Variants in SGCZ observed in about 807,000 individuals in gnomAD.
SGCZ encodes the protein zeta-sarcoglycan.
Under a neutral mutation model 41.3 loss-of-function variants are expected in SGCZ, and 40 were observed. The ratio of observed to expected loss-of-function variants is 0.97; its 90% CI spans 0.75 to 1.26. The LOEUF (loss-of-function observed/expected upper bound fraction) is 1.26, where lower values mean the gene tolerates loss of function less well. SGCZ is among the 50% of genes most tolerant of loss of function. The pLI, the probability that SGCZ is intolerant of heterozygous loss-of-function variation, is 0.00. For missense variants in SGCZ, 552 were observed against 369.8 expected (o/e 1.49, Z -4.04); for synonymous variants, 206 against 137.5 (o/e 1.50, Z -3.49).
intron 2 of SGCZ, among the ~76,000 whole-genome samples, chr8:14,461,665 A>C (rs1030152882): frequency 1.3e-5 from 2 of 152,134 alleles, no homozygotes; most frequent in Admixed American, 1.3e-4. Flanking sequence ...AAACTCTTCT[A>C]CAAACCATGC....
intron 1 of SGCZ, among the ~76,000 whole-genome samples, chr8:14,780,686 T>TA (rs900879744): frequency 2.0e-5 from 3 of 152,168 alleles, no homozygotes; most frequent in South Asian, 2.1e-4. Flanking sequence ...TTTAAGCTAT[T>TA]AAAAAAAATT....
At chr8:14,920,136 G>A (rs1563363735) in intron 1 of SGCZ, among the ~76,000 whole-genome samples, 1 of 152,054 alleles carries the variant, frequency 6.6e-6, no homozygotes, top group Non-Finnish European at 1.5e-5. Flanking sequence ...TTTACAAGTT[G>A]AACAAATGAA....
At chr8:14,130,777 G>C (rs897443135) in intron 5 of SGCZ, among the ~76,000 whole-genome samples, 12 of 152,188 alleles carry the variant, frequency 7.9e-5, no homozygotes, top group African/African-American at 2.9e-4. Flanking sequence ...TAGAAAAAGG[G>C]ACCGTACCTG....
chr8:14,428,076 G>T (rs185485613), intron 2 of SGCZ, among the ~76,000 whole-genome samples: 124 of 150,596 alleles, frequency 8.2e-4, no homozygotes, highest in African/African-American at 2.9e-3. Context: ...ATCAAACCCC[G>T]CAGATACTGA....
intron 1 of SGCZ, among the ~76,000 whole-genome samples, chr8:14,745,681 A>G (rs994698446): frequency 4.6e-5 from 7 of 152,084 alleles, no homozygotes; most frequent in African/African-American, 1.4e-4. Flanking sequence ...ACGTATCTAT[A>G]TACATACATG....
At chr8:14,952,218 G>A (rs1488437026) in intron 1 of SGCZ, among the ~76,000 whole-genome samples, 2 of 151,886 alleles carry the variant, frequency 1.3e-5, no homozygotes, top group African/African-American at 4.8e-5. Context: ...GTTTTGTTAT[G>A]TCACCAAGAA....
chr8:14,255,309 A>T (rs1412225108), intron 3 of SGCZ, among the ~76,000 whole-genome samples: 1 of 152,152 alleles, frequency 6.6e-6, no homozygotes, highest in East Asian at 1.9e-4. Context: ...TCCTCCTATG[A>T]TCTTGTCACA....
chr8:14,402,070 G>C (rs1799092932), intron 2 of SGCZ, among the ~76,000 whole-genome samples: 1 of 152,086 alleles, frequency 6.6e-6, no homozygotes, highest in Admixed American at 6.5e-5. Flanking sequence ...GTGTTTTTAG[G>C]CTGCATAAAT....
chr8:14,240,327 C>CAAAAAAAAAAAAAAAAA (rs59351247), intron 3 of SGCZ, among the ~76,000 whole-genome samples: 13 of 115,238 alleles, frequency 1.1e-4, no homozygotes, highest in South Asian at 2.8e-4. Context: ...AACTCTGTGT[C>CAAAAAAAAAAAAAAAAA]AAAAAAAAAA....
At position 14,501,442 on chromosome 8, in the gene SGCZ, CTTTA is replaced by C. The variant is rs562470124; in HGVS notation, c.234+53286_234+53289del. Among the ~76,000 whole-genome samples the C allele has an allele frequency of 4.7e-3, 707 of 152,012 alleles. 4 individuals are homozygous for C. The highest frequency in any genetic ancestry group is 0.016 in the African/African-American group (651 of 41,474). On this transcript the variant is annotated intron_variant, in intron 2 of 7. Coordinates refer to ENST00000382080, the MANE Select transcript of SGCZ (RefSeq NM_139167.4). ...AAATAATTTAAAATTTTAATACATA[CTTTA>C]TTTATGCCTACAAATTAAATATTGA...
intron 3 of SGCZ, among the ~76,000 whole-genome samples, chr8:14,304,080 C>A (rs192201776): frequency 2.0e-5 from 3 of 151,908 alleles, no homozygotes; most frequent in African/African-American, 7.2e-5. Flanking sequence ...AATGGCTTTA[C>A]ATTTGTGAAA....
chr8:14,976,527 T>G (rs1001567298), intron 1 of SGCZ, among the ~76,000 whole-genome samples: 1 of 152,198 alleles, frequency 6.6e-6, no homozygotes, highest in Admixed American at 6.5e-5. Context: ...ATAAATACAT[T>G]TAAGATATCT....
chr8:15,020,450 C>T (rs1803207928), intron 1 of SGCZ, among the ~76,000 whole-genome samples: 1 of 152,034 alleles, frequency 6.6e-6, no homozygotes. Flanking sequence ...AGGCTGGGGA[C>T]ATGGGTGCAT....
chr8:14,180,122 C>T (rs1804673428), intron 4 of SGCZ, among the ~76,000 whole-genome samples: 1 of 152,148 alleles, frequency 6.6e-6, no homozygotes, highest in South Asian at 2.1e-4. Context: ...AGTCTTAGAG[C>T]AACGACTACT....
At chr8:14,224,227 G>T (rs1034292668) in intron 4 of SGCZ, among the ~76,000 whole-genome samples, 7 of 152,130 alleles carry the variant, frequency 4.6e-5, no homozygotes, top group Admixed American at 2.0e-4. Context: ...TGCTGACAAA[G>T]GATACAATTA....
chr8:14,201,712 T>C (rs1334442074), intron 4 of SGCZ, among the ~76,000 whole-genome samples: 4 of 152,176 alleles, frequency 2.6e-5, no homozygotes, highest in Non-Finnish European at 5.9e-5. Flanking sequence ...TATTTGACTA[T>C]ATGCACCTGT....
At chr8:14,215,249 C>T (rs1272593993) in intron 4 of SGCZ, among the ~76,000 whole-genome samples, 1 of 152,050 alleles carries the variant, frequency 6.6e-6, no homozygotes, top group Non-Finnish European at 1.5e-5. Context: ...CTAAATAATA[C>T]ATTTCTAAAC....
intron 2 of SGCZ, among the ~76,000 whole-genome samples, chr8:14,510,964 A>T (rs1802449895): frequency 6.6e-6 from 1 of 152,050 alleles, no homozygotes; most frequent in African/African-American, 2.4e-5. Context: ...TTCAGCTGGT[A>T]CCCAACTCTA....
rs570154023 is a variant in SGCZ at position 14,934,933 on chromosome 8, AT to A, written c.39+302651del. ...ATAATCTCCCAGTACTGAAAAAAAA[AT>A]AATCCTTCAAAGCCCCTCAACTTAG... is the stretch of plus-strand genomic sequence containing the variant. On this transcript the variant is annotated intron_variant, in intron 1 of 7. Coordinates refer to ENST00000382080, the MANE Select transcript of SGCZ (RefSeq NM_139167.4). Among the ~76,000 whole-genome samples, 386 of 151,546 alleles carry A rather than the reference AT, an allele frequency of 2.5e-3. 5 individuals are homozygous for A. Among genetic ancestry groups the A allele is most frequent in the African/African-American group, 8.9e-3 (368 of 41,290 alleles).
Sources: gnomAD v4.1 joint callset for allele counts (sites outside exome capture counted in the v4.1 genomes callset) on GRCh38, gnomAD v4.1.1 for gene constraint, MANE v1.5 for transcripts, NCBI Gene and HGNC (gene_info 2026-07-23, HGNC 2026-07-21) for gene names.